Variants in DNAJB6 observed in about 807,000 individuals in gnomAD.
DNAJB6 encodes the protein DnaJ heat shock protein family (Hsp40) member B6, also known as dnaJ homolog subfamily B member 6.
A neutral mutation model predicts 42.7 loss-of-function variants in DNAJB6; 16 were observed. The observed-to-expected ratio is 0.37, with a 90% CI of 0.25 to 0.57. The LOEUF (loss-of-function observed/expected upper bound fraction) is 0.57. Among genes scored for constraint, DNAJB6 ranks in the 20% least tolerant of loss-of-function variants. The pLI is 0.74. For synonymous variants in DNAJB6, 170 were observed against 163.5 expected, an observed-to-expected ratio of 1.04 and a Z score of -0.30; for missense variants, 347 against 416.8, an observed-to-expected ratio of 0.83 and a Z score of 1.46.
chr7:157,375,877 G>T (rs1800446712), intron 5 of DNAJB6, among the ~76,000 whole-genome samples: 1 of 152,188 alleles, frequency 6.6e-6, no homozygotes, highest in African/African-American at 2.4e-5. Context: ...CTTGAGGAGA[G>T]AGTGACATAT....
intron 3 of DNAJB6, among the ~76,000 whole-genome samples, chr7:157,364,936 G>A (rs543296560): frequency 6.6e-6 from 1 of 152,274 alleles, no homozygotes; most frequent in South Asian, 2.1e-4. Context: ...CCCATTTTGT[G>A]GAATGTGAGA....
At chr7:157,348,922 C>T (rs935066605) in intron 1 of DNAJB6, among the ~76,000 whole-genome samples, 2 of 152,208 alleles carry the variant, frequency 1.3e-5, no homozygotes, top group African/African-American at 4.8e-5. Context: ...TGCCTCTGTT[C>T]TCTGCCTGGG....
chr7:157,374,993 T>G (rs1800398677), intron 5 of DNAJB6, among the ~76,000 whole-genome samples: 1 of 152,232 alleles, frequency 6.6e-6, no homozygotes. Context: ...CTGGTCAACT[T>G]GTGGACAACT....
chr7:157,398,090 C>G (rs1426675399), intron 8 of DNAJB6, among the ~76,000 whole-genome samples: 1 of 152,248 alleles, frequency 6.6e-6, no homozygotes, highest in Non-Finnish European at 1.5e-5. Flanking sequence ...GTTTCCCCAG[C>G]AGATGGCGTC....
At chr7:157,361,808 A>T (rs1425495552) in intron 2 of DNAJB6, among the ~76,000 whole-genome samples, 1 of 152,082 alleles carries the variant, frequency 6.6e-6, no homozygotes, top group East Asian at 1.9e-4. Flanking sequence ...TCGCTCTGTC[A>T]CCTAGCCTGG....
chr7:157,403,005 G>A (rs1426282626), intron 8 of DNAJB6, among the ~76,000 whole-genome samples: 1 of 152,206 alleles, frequency 6.6e-6, no homozygotes, highest in African/African-American at 2.4e-5. Flanking sequence ...AGGCCCTGAC[G>A]ACAGGTGCCC....
chr7:157,350,801 T>C lies in DNAJB6; in HGVS notation c.-26-7746T>C, dbSNP rs1798932051. Among the ~76,000 whole-genome samples the C allele has an allele frequency of 6.6e-5, 10 of 152,158 alleles. No individual in the cohort carries two copies. In the South Asian group the frequency reaches 1.9e-3, roughly 29 times the overall value. On this transcript the variant is annotated intron_variant, in intron 1 of 9. Transcript: ENST00000262177. ...ACCTCCCAGGTTCAAGTGAGTCTCC[T>C]GCCTCAGCCTCCCGAGTCTTAGCTG...
chr7:157,403,216 G>T (rs539741336), intron 8 of DNAJB6, among the ~76,000 whole-genome samples: 1 of 152,180 alleles, frequency 6.6e-6, no homozygotes, highest in African/African-American at 2.4e-5. Flanking sequence ...CATATGAGAG[G>T]GGGTAGGGGA....
chr7:157,378,833 A>C (rs1800605783), intron 5 of DNAJB6: 1 of 152,006 alleles, frequency 6.6e-6, no homozygotes, highest in African/African-American at 2.4e-5. Flanking sequence ...AGTAGCTCTT[A>C]CTTGAAATAA....
chr7:157,399,423 G>T (rs1002265000), intron 8 of DNAJB6, among the ~76,000 whole-genome samples: 1 of 151,946 alleles, frequency 6.6e-6, no homozygotes, highest in African/African-American at 2.4e-5. Flanking sequence ...CAGGGGTTGC[G>T]TAAGGTTAGG....
chr7:157,372,875 A>G (rs1800286036), intron 5 of DNAJB6, among the ~76,000 whole-genome samples: 1 of 151,796 alleles, frequency 6.6e-6, no homozygotes, highest in African/African-American at 2.4e-5. Flanking sequence ...TTCTCCCTAC[A>G]TTTGCAGACG....
chr7:157,365,737 T>C (rs1256215499), intron 3 of DNAJB6, among the ~76,000 whole-genome samples: 2 of 152,196 alleles, frequency 1.3e-5, no homozygotes, highest in Non-Finnish European at 2.9e-5. Flanking sequence ...CAATCTGGGC[T>C]CACTGCAACT....
chr7:157,375,203 T>C (rs1800411378), intron 5 of DNAJB6, among the ~76,000 whole-genome samples: 1 of 151,996 alleles, frequency 6.6e-6, no homozygotes, highest in South Asian at 2.1e-4. Flanking sequence ...GTGGAAGGTG[T>C]GATGGTGGAG....
In DNAJB6 at chr7:157,416,002, C is replaced by G; in HGVS notation, c.899-14C>G. On this transcript the variant is annotated splice_polypyrimidine_tract_variant and intron_variant, in intron 9 of 9. Transcript: ENST00000262177. ...GCTGTTCCGTACAGTGTTTTACAAG[C>G]CGTGTTTCCTTAGGATTGAAAGAAG... The G allele has an allele frequency of 6.2e-7, 1 of 1,614,144 alleles. No individual in the cohort carries two copies. The highest frequency in any genetic ancestry group is 8.5e-7 in the Non-Finnish European group (1 of 1,180,030).
intron 1 of DNAJB6, among the ~76,000 whole-genome samples, chr7:157,338,415 C>G (rs1409514519): frequency 2.6e-5 from 4 of 151,956 alleles, no homozygotes; most frequent in Non-Finnish European, 5.9e-5. Context: ...CTCACTGCAA[C>G]TTCCAGCTCC....
At chr7:157,382,085 AGT>A in intron 5 of DNAJB6, 159 bp from the exon 6 acceptor site, 1 of 607,184 alleles carries the variant, frequency 1.6e-6, no homozygotes, top group South Asian at 2.7e-5. Flanking sequence ...TTGGTGAGGT[AGT>A]GTTTCAGTTA....
chr7:157,359,094 C>T (rs1242022839), intron 2 of DNAJB6, among the ~76,000 whole-genome samples: 4 of 152,150 alleles, frequency 2.6e-5, no homozygotes, highest in African/African-American at 9.7e-5. Flanking sequence ...TCTGTGTGAC[C>T]AGGGCCTGGC....
intron 8 of DNAJB6, among the ~76,000 whole-genome samples, chr7:157,403,892 C>G (rs1026356717): frequency 6.9e-6 from 1 of 144,508 alleles, no homozygotes. Context: ...TCCTGTCCAC[C>G]CTGACCCAGG....
At chr7:157,344,586 ATTAT>A (rs1290770899) in intron 1 of DNAJB6, among the ~76,000 whole-genome samples, 11 of 152,106 alleles carry the variant, frequency 7.2e-5, no homozygotes, top group Non-Finnish European at 1.6e-4. Context: ...CCAGCCTGAA[ATTAT>A]TTGTTTTTTT....
Sources: allele counts gnomAD v4.1 joint callset (sites outside exome capture counted in the v4.1 genomes callset), GRCh38; gene constraint gnomAD v4.1.1; transcripts MANE v1.5; gene names NCBI Gene and HGNC (gene_info 2026-07-23, HGNC 2026-07-21).